The following ZNF653 variants were observed in gnomAD, a reference collection of about 807,000 sequenced individuals.
The protein encoded by ZNF653 is zinc finger protein 653.
A neutral mutation model predicts 59.9 loss-of-function variants in ZNF653; 37 were observed. The ratio of observed to expected loss-of-function variants is 0.62; its 90% CI spans 0.48 to 0.81. The LOEUF is 0.81. ZNF653 is among the 40% of genes least tolerant of loss of function. The pLI is 0.00. For synonymous variants in ZNF653, 435 were observed against 371.8 expected (o/e 1.17, Z -1.96); for missense variants, 808 against 881.1 (o/e 0.92, Z 1.05).
chr19:11,487,643 C>A lies in ZNF653; in HGVS notation c.820G>T (p.Glu274Ter). 6.2e-7 allele frequency: 1 copy of A among 1,613,890 alleles called. No homozygotes were observed. Among genetic ancestry groups the A allele is most frequent in the Non-Finnish European group, 8.5e-7 (1 of 1,179,966 alleles). The change falls in exon 4 of 9, where the codon GAG (glutamate) becomes TAG (stop). Residue 274 changes from glutamate to a stop codon, truncating the protein, a stop_gained. Transcript: ENST00000293771. LOFTEE classifies it high-confidence loss of function. This position sits in a 1 kb window ranked among gnomAD's most constrained non-coding sequence, Gnocchi z 5.1. ...NPAGNGPEAL[E>*]TVVCVPVPVQ... ...GGCACCGGCACGCACACCACTGTCT[C>A]CAGGGCTTCAGGCCCATTGCCTGCT...
chr19:11,499,566 A>G (rs1421768055), intron 1 of ZNF653, among the ~76,000 whole-genome samples: 1 of 150,196 alleles, frequency 6.7e-6, no homozygotes, highest in African/African-American at 2.5e-5. Context: ...GGGGTTCAAG[A>G]CCAGCCTGGG....
chr19:11,501,038 C>T lies in ZNF653; in HGVS notation c.300-2699G>A, dbSNP rs114346352. On this transcript the variant is annotated intron_variant, in intron 1 of 8. Transcript: ENST00000293771. ...GACCACAGCTCCGGGGCTACTCAGG[C>T]CCTGGCTTGGCTGTTTCCCGCCATT... 2.2e-3 allele frequency among the ~76,000 whole-genome samples: 331 copies of T among 152,282 alleles called. 1 individual carries two copies. Among genetic ancestry groups the T allele is most frequent in the African/African-American group, 7.4e-3 (309 of 41,564 alleles).
rs775302646 is a variant in ZNF653 at position 11,498,276 on chromosome 19, C to G, written c.343+20G>C. 4.5e-5 allele frequency: 72 copies of G among 1,613,838 alleles called. No homozygotes were observed. In the Admixed American group the frequency reaches 1.2e-3, roughly 27 times the overall value. On this transcript the variant is annotated intron_variant, in intron 2 of 8. Coordinates refer to ENST00000293771, the MANE Select transcript of ZNF653 (RefSeq NM_138783.4). ...CGCTCCCAACTCTCCCCACCTCCCC[C>G]AGGCTGAGCCTCCACTTACTTTTCT...
chr19:11,498,103 C>T (rs879625104), intron 2 of ZNF653, among the ~76,000 whole-genome samples, 193 bp downstream of exon 2: 2 of 152,202 alleles, frequency 1.3e-5, no homozygotes, highest in African/African-American at 2.4e-5. Flanking sequence ...ACTCCCATGC[C>T]GGGAGCAAGA....
At position 11,496,086 on chromosome 19, in the gene ZNF653, C is replaced by A. The variant is rs752413444; in HGVS notation, c.423G>T (p.Pro141=). ...EDHKHRCPYE[P]HLAELDPTFG... ...AAGTGGGGTCTAGCTCCGCCAGGTG[C>A]GGCTCGTACGGGCAGCGGTGCTTGT... The change falls in exon 3 of 9, where the codon CCG becomes CCT. Residue 141 remains proline (P), a synonymous_variant. Transcript: ENST00000293771. 1.2e-6 allele frequency: 2 copies of A among 1,614,110 alleles called. No homozygotes were observed. Among genetic ancestry groups the A allele is most frequent in the South Asian group, 1.1e-5 (1 of 91,088 alleles).
At chr19:11,505,354 A>C (rs919335766) in intron 1 of ZNF653, 134 bp downstream of exon 1, 2 of 951,226 alleles carry the variant, frequency 2.1e-6, no homozygotes, top group African/African-American at 3.5e-5. Context: ...TACGAGACCC[A>C]GGCCGCCGGC....
chr19:11,485,844 G>A lies in ZNF653; in HGVS notation c.1456-74C>T, dbSNP rs1971460357. ...CTCTGGGAGGTGGGGAGAGATGAGG[G>A]CAGCTGGAAGGCAGGCTGGGGCTGG... On this transcript the variant is annotated intron_variant, in intron 6 of 8. Coordinates refer to ENST00000293771, the MANE Select transcript of ZNF653 (RefSeq NM_138783.4). The A allele has an allele frequency of 1.0e-5, 12 of 1,195,974 alleles. No homozygotes were observed. In the South Asian group the frequency reaches 1.5e-4, roughly 15 times the overall value. 74.1% of individuals were successfully genotyped at this position (1,195,974 alleles called of 1,614,324 possible). A position where few individuals can be genotyped will look rare whatever the true frequency, so the allele number is the denominator to read the frequency against.
chr19:11,502,017 A>G (rs1285174238), intron 1 of ZNF653, among the ~76,000 whole-genome samples: 2 of 150,826 alleles, frequency 1.3e-5, no homozygotes, highest in Non-Finnish European at 3.0e-5. Flanking sequence ...CTGGTCTCGA[A>G]CTCCTTACTT....
chr19:11,497,522 G>T (rs981504945), intron 2 of ZNF653, among the ~76,000 whole-genome samples: 4 of 152,354 alleles, frequency 2.6e-5, no homozygotes, highest in South Asian at 4.1e-4. Context: ...CAGGCAGGAG[G>T]AAGGGAGTGA....
intron 3 of ZNF653, among the ~76,000 whole-genome samples, chr19:11,488,308 C>T (rs1971493555): frequency 6.6e-6 from 1 of 151,998 alleles, no homozygotes; most frequent in African/African-American, 2.4e-5. Flanking sequence ...TGCCGCCATG[C>T]CCGGCTAATG....
chr19:11,496,114 T>G lies in ZNF653; in HGVS notation c.395A>C (p.Asp132Ala). The change falls in exon 3 of 9, where the codon GAC (aspartate) becomes GCC (alanine). Residue 132 changes from aspartate (D) to alanine (A), a missense_variant. Asp to Ala is a moderately radical substitution (Grantham distance 126, BLOSUM62 -2). Transcript: ENST00000293771. The stretch of plus-strand genomic sequence containing the variant: ...CTCGTACGGGCAGCGGTGCTTGTGG[T>G]CCTCGTACCAGATCACCACGTTCTT... ...CLKNVVIWYE[D>A]HKHRCPYEPH... 2 of 1,613,916 alleles carry G rather than the reference T, an allele frequency of 1.2e-6. No individual in the cohort carries two copies. The highest frequency in any genetic ancestry group is 1.7e-6 in the Non-Finnish European group (2 of 1,179,972).
At chr19:11,504,380 G>A (rs953835324) in intron 1 of ZNF653, 3 of 312,078 alleles carry the variant, frequency 9.6e-6, no homozygotes, top group African/African-American at 6.8e-5. Flanking sequence ...CAGCCTGGGC[G>A]ACAGAGCAAG....
rs1971709131 is a variant in ZNF653, at chr19:11,505,532, G to C, written c.255C>G (p.Ala85=). 3 of 1,516,196 alleles carry C rather than the reference G, an allele frequency of 2.0e-6. No individual in the cohort carries two copies. The Admixed American group carries it at 6.3e-5, about 32-fold the overall frequency. 93.9% of individuals were successfully genotyped at this position (1,516,196 alleles called of 1,614,324 possible). The change falls in exon 1 of 9, where the codon GCC becomes GCG. Residue 85 remains alanine (A), a synonymous_variant. Coordinates refer to ENST00000293771, the MANE Select transcript of ZNF653 (RefSeq NM_138783.4). ...RSGWSDAKLA[A]YLISLERGQR... ...GGCCGCGCTCCAGAGAGATGAGGTA[G>C]GCGGCGAGCTTGGCGTCGCTCCAGC...
chr19:11,505,428 A>G, intron 1 of ZNF653, 60 bp downstream of exon 1: 1 of 1,363,406 alleles, frequency 7.3e-7, no homozygotes, highest in Non-Finnish European at 9.4e-7. Flanking sequence ...GGGCGGGGTA[A>G]AGCCCGGCGG....
At chr19:11,488,112 C>T (rs912021725) in intron 3 of ZNF653, among the ~76,000 whole-genome samples, 2 of 149,488 alleles carry the variant, frequency 1.3e-5, no homozygotes, top group Non-Finnish European at 3.0e-5. Flanking sequence ...CTCAGGCTCC[C>T]GAGTAGCTGG....
intron 1 of ZNF653, chr19:11,505,266 G>A: frequency 2.1e-6 from 1 of 474,862 alleles, no homozygotes; most frequent in Non-Finnish European, 3.6e-6. Context: ...CGGGTCGAGG[G>A]GCTGGGTGCA....
At chr19:11,488,589 T>TTTTTC (rs572251004) in intron 3 of ZNF653, among the ~76,000 whole-genome samples, 2 of 140,240 alleles carry the variant, frequency 1.4e-5, no homozygotes, top group Non-Finnish European at 3.0e-5. Context: ...CCTGGCTGAA[T>TTTTTC]TTTTCTTTTC....
At chr19:11,491,024 C>T (rs1599563025) in intron 3 of ZNF653, among the ~76,000 whole-genome samples, 1 of 152,236 alleles carries the variant, frequency 6.6e-6, no homozygotes, top group African/African-American at 2.4e-5. Context: ...ATCCAAAATA[C>T]ATCCACCCGC....
intron 3 of ZNF653, among the ~76,000 whole-genome samples, chr19:11,490,058 G>A (rs988186646): frequency 6.6e-6 from 1 of 152,188 alleles, no homozygotes; most frequent in Admixed American, 6.5e-5. Context: ...CAAGACCGCC[G>A]GACTTCAGAT....
Sources: allele counts gnomAD v4.1 joint callset (sites outside exome capture counted in the v4.1 genomes callset), GRCh38; gene constraint gnomAD v4.1.1; non-coding constraint Gnocchi (gnomAD v3.1); transcripts MANE v1.5; gene names NCBI Gene and HGNC (gene_info 2026-07-23, HGNC 2026-07-21).